Variants in PRKCD observed in about 807,000 individuals in gnomAD.
The protein encoded by PRKCD is protein kinase C delta type.
In PRKCD, 20 loss-of-function variants were observed where a neutral mutation model predicts 82.2. The ratio of observed to expected loss-of-function variants is 0.24; its 90% CI spans 0.17 to 0.35. The LOEUF is 0.35. Ranked by LOEUF, PRKCD falls within the 10% of genes least tolerant of loss-of-function variation. The probability of loss-of-function intolerance (pLI) is 1.00; values close to 1 mark genes in which losing one functional copy is unlikely to be tolerated. For missense variants in PRKCD, 607 were observed against 899.0 expected (o/e 0.68, Z 4.15); for synonymous variants, 317 against 337.0 (o/e 0.94, Z 0.65).
Position 53,185,703 on chromosome 3 carries a change from G to A in PRKCD, c.985+3G>A, listed in dbSNP as rs1455023336. Reference sequence around the variant, plus strand: ...AGTTGCTGGGGAGGACATGCAAGGTGAAGCTGGGTCCATTGCCCCATTACG... The same window carrying A: ...AGTTGCTGGGGAGGACATGCAAGGTAAAGCTGGGTCCATTGCCCCATTACG... On this transcript the variant is annotated splice_donor_region_variant and intron_variant, in intron 11 of 18. Coordinates refer to ENST00000330452, the MANE Select transcript of PRKCD (RefSeq NM_006254.4). 6 of 1,611,978 alleles carry A rather than the reference G, an allele frequency of 3.7e-6. No individual in the cohort carries two copies. In the African/African-American group the frequency reaches 4.0e-5, roughly 11 times the overall value.
At chr3:53,187,317 C>T (rs1553669446) in intron 14 of PRKCD, 23 bp from the exon 15 acceptor site, 2 of 1,614,060 alleles carry the variant, frequency 1.2e-6, no homozygotes, top group Non-Finnish European at 8.5e-7. Flanking sequence ...TCCCGGAACA[C>T]TTTATCCCTC....
chr3:53,178,552 T>C lies in PRKCD; in HGVS notation c.115+15T>C. The C allele has an allele frequency of 5.0e-6, 8 of 1,605,874 alleles. No individual in the cohort carries two copies. Among genetic ancestry groups the C allele is most frequent in the Non-Finnish European group, 6.0e-6 (7 of 1,175,342 alleles). On this transcript the variant is annotated intron_variant, in intron 3 of 18. Transcript: ENST00000330452. ...GCTCAGCACAGGTAGGCCTGGAGGC[T>C]GGACCCTGGAGAGGGGCTGGGAATC... is the stretch of plus-strand genomic sequence containing the variant.
At chr3:53,183,075 C>G in intron 7 of PRKCD, 46 bp from the exon 8 acceptor site, 1 of 1,597,868 alleles carries the variant, frequency 6.3e-7, no homozygotes, top group South Asian at 1.1e-5. Context: ...GACTCTGCCC[C>G]TCCCGGTGCT....
At chr3:53,164,086 C>G (rs1553663471) in intron 1 of PRKCD, among the ~76,000 whole-genome samples, 5 of 152,176 alleles carry the variant, frequency 3.3e-5, no homozygotes, top group African/African-American at 1.2e-4. Flanking sequence ...GGGTTCACAT[C>G]TGGGGAGCAG....
Position 53,178,474 on chromosome 3 carries a change from C to A in PRKCD, c.52C>A (p.Gln18Lys), listed in dbSNP as rs1703298266. The A allele has an allele frequency of 1.2e-6, 2 of 1,613,136 alleles. No individual in the cohort carries two copies. The highest frequency in any genetic ancestry group is 1.3e-5 in the African/African-American group (1 of 75,038). The change falls in exon 3 of 19, where the codon CAG (glutamine) becomes AAG (lysine). Residue 18 changes from glutamine to lysine, a missense_variant. By Grantham distance (53) the Gln-to-Lys change is moderately conservative. Around this residue, in one of 5 missense-constraint regions of PRKCD, gnomAD observed 161 missense variants for 227.0 expected, o/e 0.71. Transcript: ENST00000330452. ...AFNSYELGSL[Q>K]AEDEANQPFC... The stretch of plus-strand genomic sequence containing the variant: ...CAACTCCTATGAGCTGGGCTCCCTG[C>A]AGGCCGAGGACGAGGCGAACCAGCC...
intron 11 of PRKCD, 45 bp from the exon 12 acceptor site, chr3:53,185,882 T>C (rs782606756): frequency 1.2e-6 from 2 of 1,604,306 alleles, no homozygotes; most frequent in Admixed American, 1.7e-5. Context: ...AGGGGAGTTG[T>C]GTAGACTGAG....
At chr3:53,190,256 C>T (rs998332474) in intron 18 of PRKCD, among the ~76,000 whole-genome samples, 2 of 152,194 alleles carry the variant, frequency 1.3e-5, no homozygotes, top group South Asian at 2.1e-4. Context: ...CTCACTTTAT[C>T]GCTCCATTCA....
At chr3:53,163,606 G>T (rs1170076660) in intron 1 of PRKCD, among the ~76,000 whole-genome samples, 1 of 152,148 alleles carries the variant, frequency 6.6e-6, no homozygotes, top group Non-Finnish European at 1.5e-5. Flanking sequence ...GAGGACAAAA[G>T]TTCCTGTGTT....
Position 53,192,165 on chromosome 3 carries a change from C to A in PRKCD, c.1930C>A (p.Leu644Ile). ...DQEFLNEKARLSYSDKNLIDS... is the reference protein window; with the variant it reads ...DQEFLNEKARISYSDKNLIDS... ...GGAGTTCCTGAACGAGAAGGCGCGC[C>A]TCTCCTACAGCGACAAGAACCTCAT... Residue 644 changes from leucine (L) to isoleucine (I), a missense_variant, in exon 19 of 19, where the codon CTC becomes ATC. By Grantham distance (5) the Leu-to-Ile change is conservative. Transcript: ENST00000330452. 1.9e-6 allele frequency: 3 copies of A among 1,614,104 alleles called. No homozygotes were observed. The South Asian group carries it at 3.3e-5, about 18-fold the overall frequency.
intron 2 of PRKCD, among the ~76,000 whole-genome samples, chr3:53,170,729 A>G (rs1215654078): frequency 6.6e-6 from 1 of 152,096 alleles, no homozygotes; most frequent in Non-Finnish European, 1.5e-5. Context: ...CTGCATTTGG[A>G]CTTCATGGTG....
chr3:53,184,085 C>A (rs1703574263), intron 9 of PRKCD, among the ~76,000 whole-genome samples: 1 of 152,146 alleles, frequency 6.6e-6, no homozygotes, highest in African/African-American at 2.4e-5. Context: ...GTAATCCCAG[C>A]ACTTTGGGAG....
rs1489015848 is a variant in PRKCD at position 53,181,743 on chromosome 3, C to T, written c.571+11C>T. The T allele has an allele frequency of 1.9e-6, 3 of 1,614,192 alleles. No individual in the cohort carries two copies. The highest frequency in any genetic ancestry group is 2.2e-5 in the East Asian group (1 of 44,888). On this transcript the variant is annotated intron_variant, in intron 7 of 18. Coordinates refer to ENST00000330452, the MANE Select transcript of PRKCD (RefSeq NM_006254.4). The stretch of plus-strand genomic sequence containing the variant: ...GCTACAAATGCAGGCGTAAGTGTCT[C>T]CACAGGCCAGTTTGTACGTATGTAC...
intron 2 of PRKCD, among the ~76,000 whole-genome samples, chr3:53,172,688 C>T (rs533654811): frequency 3.9e-5 from 6 of 152,322 alleles, no homozygotes; most frequent in African/African-American, 1.2e-4. Context: ...AACCAGACCG[C>T]CCTATACCCA....
intron 3 of PRKCD, chr3:53,179,326 A>G (rs1553666636): frequency 1.0e-5 from 6 of 597,082 alleles, no homozygotes; most frequent in East Asian, 3.1e-5. Flanking sequence ...TGAATGCATA[A>G]GGGCAGGCGA....
chr3:53,191,183 C>T (rs1412478160), intron 18 of PRKCD, among the ~76,000 whole-genome samples: 1 of 152,180 alleles, frequency 6.6e-6, no homozygotes. Flanking sequence ...AGGCAGATCA[C>T]CTGAGGTCAG....
At chr3:53,184,409 C>T (rs1335760654) in intron 9 of PRKCD, among the ~76,000 whole-genome samples, 1 of 152,048 alleles carries the variant, frequency 6.6e-6, no homozygotes, top group African/African-American at 2.4e-5. Context: ...GGCGTGGTGG[C>T]TCACACCTGT....
At chr3:53,191,491 C>G (rs1483194058) in intron 18 of PRKCD, among the ~76,000 whole-genome samples, 2 of 152,224 alleles carry the variant, frequency 1.3e-5, no homozygotes, top group Admixed American at 6.5e-5. Flanking sequence ...AATGATTGTA[C>G]TTGCCAGTTC....
Position 53,192,272 on chromosome 3 carries a change from C to A in PRKCD, c.*6C>A. The A allele has an allele frequency of 6.2e-7, 1 of 1,613,958 alleles. No homozygotes were observed. Among genetic ancestry groups the A allele is most frequent in the South Asian group, 1.1e-5 (1 of 91,084 alleles). ...AGCACCTCCTGGAAGATTGAGGTTC[C>A]TGGACAGATCAGGCTAGCCCTGCCC... On this transcript the variant is annotated 3_prime_UTR_variant, in exon 19 of 19. Transcript: ENST00000330452.
chr3:53,191,005 G>C (rs1553670695), intron 18 of PRKCD, among the ~76,000 whole-genome samples: 1 of 152,206 alleles, frequency 6.6e-6, no homozygotes, highest in African/African-American at 2.4e-5. Flanking sequence ...GGCTGTCCAG[G>C]GGGCTCTTAG....
Sources: allele counts gnomAD v4.1 joint callset (sites outside exome capture counted in the v4.1 genomes callset), GRCh38; gene constraint gnomAD v4.1.1; regional missense constraint gnomAD v4.1.1; transcripts MANE v1.5; gene names NCBI Gene and HGNC (gene_info 2026-07-23, HGNC 2026-07-21).